Variants in LRP1B observed in about 807,000 individuals in gnomAD.
The protein encoded by LRP1B is low-density lipoprotein receptor-related protein 1B.
In LRP1B, 217 loss-of-function variants were observed where a neutral mutation model predicts 556.6. The ratio of observed to expected loss-of-function variants is 0.39; its 90% CI spans 0.35 to 0.44. The LOEUF (loss-of-function observed/expected upper bound fraction) is 0.44, where lower values mean the gene tolerates loss of function less well. Among genes scored for constraint, LRP1B ranks in the 20% least tolerant of loss-of-function variants. LRP1B has a pLI of 1.00. For missense variants in LRP1B, 5,053 were observed against 5,620.8 expected, an observed-to-expected ratio of 0.90 and a Z score of 3.23; for synonymous variants, 2,047 against 1,865.8, an observed-to-expected ratio of 1.10 and a Z score of -2.50.
chr2:140,418,251 C>T (rs1223754516), intron 66 of LRP1B, among the ~76,000 whole-genome samples: 1 of 152,160 alleles, frequency 6.6e-6, no homozygotes, highest in Non-Finnish European at 1.5e-5. Flanking sequence ...TTGAAAGAGA[C>T]TGAACCAGGA....
intron 84 of LRP1B, among the ~76,000 whole-genome samples, chr2:140,290,263 G>T (rs1307820702): frequency 6.6e-6 from 1 of 152,018 alleles, no homozygotes; most frequent in Non-Finnish European, 1.5e-5. Flanking sequence ...GACATTGAGG[G>T]CGTAATGTGT....
intron 7 of LRP1B, among the ~76,000 whole-genome samples, chr2:141,119,024 C>T (rs369356126): frequency 1.2e-4 from 18 of 151,968 alleles, no homozygotes; most frequent in South Asian, 8.3e-4. Context: ...ACTGCTCAGG[C>T]GGTTAATTTG....
chr2:141,916,217 T>C (rs887990470), intron 1 of LRP1B, among the ~76,000 whole-genome samples: 2 of 152,162 alleles, frequency 1.3e-5, no homozygotes, highest in African/African-American at 4.8e-5. Flanking sequence ...ATGTGATACA[T>C]ATACACCACC....
intron 3 of LRP1B, among the ~76,000 whole-genome samples, chr2:141,324,114 TCA>T (rs113196488): frequency 5.5e-4 from 37 of 66,684 alleles, no homozygotes; most frequent in South Asian, 7.8e-4. Flanking sequence ...AACAAAGAAA[TCA>T]CACACACACA....
intron 66 of LRP1B, among the ~76,000 whole-genome samples, chr2:140,408,829 A>C (rs1684854974): frequency 6.6e-6 from 1 of 151,952 alleles, no homozygotes; most frequent in Non-Finnish European, 1.5e-5. Flanking sequence ...GCTTATTTTG[A>C]GAAATAAGCA....
chr2:140,526,436 A>T, intron 47 of LRP1B, 86 bp from the exon 48 acceptor site: 1 of 944,676 alleles, frequency 1.1e-6, no homozygotes, highest in Non-Finnish European at 1.6e-6. Flanking sequence ...ATTATTTTAT[A>T]TAATTTTGTT....
At chr2:141,273,617 A>G (rs977786151) in intron 3 of LRP1B, among the ~76,000 whole-genome samples, 2 of 152,234 alleles carry the variant, frequency 1.3e-5, no homozygotes, top group African/African-American at 4.8e-5. Flanking sequence ...AGTTACAACG[A>G]GAAAACTCTT....
chr2:141,512,032 C>G (rs1316239031), intron 2 of LRP1B, among the ~76,000 whole-genome samples: 2 of 152,104 alleles, frequency 1.3e-5, no homozygotes, highest in Non-Finnish European at 2.9e-5. Flanking sequence ...TAATCACATA[C>G]AGAAAAAAGA....
At chr2:140,641,127 G>T (rs1032943099) in intron 41 of LRP1B, among the ~76,000 whole-genome samples, 7 of 152,128 alleles carry the variant, frequency 4.6e-5, no homozygotes, top group African/African-American at 1.7e-4. Context: ...CACAAAAATT[G>T]CCAGGCTCAA....
intron 68 of LRP1B, among the ~76,000 whole-genome samples, chr2:140,376,016 G>GT (rs150928947): frequency 1.8e-4 from 27 of 149,896 alleles, no homozygotes; most frequent in South Asian, 4.2e-4. Context: ...CACTTGTTCA[G>GT]TTTTTTTTTG....
At chr2:140,729,488 A>C (rs970411604) in intron 35 of LRP1B, among the ~76,000 whole-genome samples, 1 of 152,174 alleles carries the variant, frequency 6.6e-6, no homozygotes, top group Non-Finnish European at 1.5e-5. Context: ...CAGCTATTAT[A>C]ATAAACTACA....
At position 141,402,174 on chromosome 2, in the gene LRP1B, A is replaced by G. The variant is rs547399477; in HGVS notation, c.343+78222T>C. On this transcript the variant is annotated intron_variant, in intron 3 of 90. Coordinates refer to ENST00000389484, the MANE Select transcript of LRP1B (RefSeq NM_018557.3). ...TTTTTTTTCTAGCTTTAAATCAAAT[A>G]AGGTTGGCCTCATGTATTTTAGCAT... Among the ~76,000 whole-genome samples the G allele has an allele frequency of 3.9e-5, 6 of 152,280 alleles. No homozygotes were observed. The South Asian group carries it at 1.2e-3, about 32-fold the overall frequency.
chr2:141,200,467 G>C (rs1165381621), intron 6 of LRP1B, among the ~76,000 whole-genome samples: 1 of 152,096 alleles, frequency 6.6e-6, no homozygotes, highest in Non-Finnish European at 1.5e-5. Context: ...TCATCTTTCA[G>C]ACATTACTTA....
chr2:141,696,903 T>G (rs1295100690), intron 2 of LRP1B, among the ~76,000 whole-genome samples: 1 of 151,962 alleles, frequency 6.6e-6, no homozygotes, highest in Non-Finnish European at 1.5e-5. Flanking sequence ...AAATGGGCGA[T>G]GTTAAAAGAA....
chr2:141,909,224 A>T (rs1295411806), intron 1 of LRP1B, among the ~76,000 whole-genome samples: 1 of 152,122 alleles, frequency 6.6e-6, no homozygotes, highest in African/African-American at 2.4e-5. Flanking sequence ...TTCTGTTTCT[A>T]TATTGCTTAA....
chr2:141,180,600 C>A (rs1680946424), intron 7 of LRP1B, among the ~76,000 whole-genome samples: 1 of 151,766 alleles, frequency 6.6e-6, no homozygotes, highest in Admixed American at 6.6e-5. Context: ...CTATCAGTTT[C>A]CTAAACTATG....
At position 140,953,890 on chromosome 2, in the gene LRP1B, G is replaced by C. The variant is rs140242004; in HGVS notation, c.2888-1950C>G. ...TGAAGCTCCCCATCCAGCACTCTTTGTACTACACTCTATTACCAATTTCCT... is the reference window on the plus strand; with the variant it reads ...TGAAGCTCCCCATCCAGCACTCTTTCTACTACACTCTATTACCAATTTCCT... On this transcript the variant is annotated intron_variant, in intron 18 of 90. Coordinates refer to ENST00000389484, the MANE Select transcript of LRP1B (RefSeq NM_018557.3). 3.0e-3 allele frequency among the ~76,000 whole-genome samples: 463 copies of C among 152,180 alleles called. 1 individual carries two copies. Among genetic ancestry groups the C allele is most frequent in the African/African-American group, 0.011 (441 of 41,510 alleles).
intron 2 of LRP1B, among the ~76,000 whole-genome samples, chr2:141,621,294 A>T (rs1388531757): frequency 6.6e-6 from 1 of 152,214 alleles, no homozygotes; most frequent in Non-Finnish European, 1.5e-5. Context: ...TATGAGTTTA[A>T]AACAATTTTC....
At chr2:140,365,590 A>G (rs1331300268) in intron 71 of LRP1B, among the ~76,000 whole-genome samples, 4 of 151,672 alleles carry the variant, frequency 2.6e-5, no homozygotes, top group African/African-American at 9.7e-5. Context: ...GGATAACTCT[A>G]TTAATATCTC....
Sources: gnomAD v4.1 joint callset for allele counts (sites outside exome capture counted in the v4.1 genomes callset) on GRCh38, gnomAD v4.1.1 for gene constraint, MANE v1.5 for transcripts, NCBI Gene and HGNC (gene_info 2026-07-23, HGNC 2026-07-21) for gene names.